ZDHHC14: variants seen among roughly 807,000 people sequenced by gnomAD.
ZDHHC14 encodes zDHHC palmitoyltransferase 14.
ZDHHC14 carries 16 observed loss-of-function variants against 47.7 expected under a neutral mutation model. That is an observed-to-expected ratio of 0.34 (90% CI 0.23 to 0.51). The LOEUF is 0.51. ZDHHC14 is among the 20% of genes least tolerant of loss of function. The pLI is 0.97. For synonymous variants in ZDHHC14, 293 were observed against 278.9 expected (o/e 1.05, Z -0.50); for missense variants, 515 against 662.5 (o/e 0.78, Z 2.44).
At chr6:157,616,294 T>G (rs554152654) in intron 3 of ZDHHC14, among the ~76,000 whole-genome samples, 31 of 151,936 alleles carry the variant, frequency 2.0e-4, no homozygotes, top group East Asian at 1.2e-3. Context: ...ATGTGAGGGA[T>G]GAGGGGGCAG....
Position 157,552,781 on chromosome 6 carries a change from G to A in ZDHHC14, c.406+10036G>A, listed in dbSNP as rs181842965. On this transcript the variant is annotated intron_variant, in intron 2 of 8. Coordinates refer to ENST00000359775, the MANE Select transcript of ZDHHC14 (RefSeq NM_024630.3). Reference sequence around the variant, plus strand: ...TCTCAGGGACAGCTTGTTTCCTAGCGGCCCCAGGAGCCTTCTACACCCTGC... The same window carrying A: ...TCTCAGGGACAGCTTGTTTCCTAGCAGCCCCAGGAGCCTTCTACACCCTGC... Among the ~76,000 whole-genome samples, 214 of 152,252 alleles carry A rather than the reference G, an allele frequency of 1.4e-3. 2 individuals are homozygous for A. Among genetic ancestry groups the A allele is most frequent in the African/African-American group, 4.9e-3 (204 of 41,540 alleles).
intron 1 of ZDHHC14, among the ~76,000 whole-genome samples, chr6:157,507,149 A>G (rs1229681376): frequency 6.6e-6 from 1 of 152,178 alleles, no homozygotes; most frequent in Non-Finnish European, 1.5e-5. Flanking sequence ...TAATCCCTTC[A>G]GAATAGCTAT....
intron 1 of ZDHHC14, among the ~76,000 whole-genome samples, chr6:157,503,849 ACAG>A (rs1272865720): frequency 6.6e-6 from 1 of 152,218 alleles, no homozygotes; most frequent in Non-Finnish European, 1.5e-5. Context: ...GTATGAGGAA[ACAG>A]CACGGCTCAT....
chr6:157,492,809 C>A (rs371232608), intron 1 of ZDHHC14, among the ~76,000 whole-genome samples: 20 of 152,144 alleles, frequency 1.3e-4, no homozygotes, highest in East Asian at 9.7e-4. Flanking sequence ...AAGAGACAGG[C>A]GTGAGTGGGG....
chr6:157,640,525 G>A (rs1273887254), intron 5 of ZDHHC14, among the ~76,000 whole-genome samples: 1 of 152,186 alleles, frequency 6.6e-6, no homozygotes, highest in Non-Finnish European at 1.5e-5. Context: ...CTGATCCTGA[G>A]AGGGACCCCA....
At chr6:157,564,821 C>T (rs1782839463) in intron 2 of ZDHHC14, among the ~76,000 whole-genome samples, 2 of 152,218 alleles carry the variant, frequency 1.3e-5, no homozygotes, top group South Asian at 4.1e-4. Flanking sequence ...CCTTTGAGAA[C>T]TCATAGGTTT....
intron 1 of ZDHHC14, among the ~76,000 whole-genome samples, chr6:157,444,521 T>C (rs940225355): frequency 6.6e-6 from 1 of 151,726 alleles, no homozygotes; most frequent in Non-Finnish European, 1.5e-5. Flanking sequence ...CTACTAAAAA[T>C]AGAAAATTTA....
chr6:157,465,776 T>C (rs1050660344), intron 1 of ZDHHC14, among the ~76,000 whole-genome samples: 1 of 152,072 alleles, frequency 6.6e-6, no homozygotes, highest in Admixed American at 6.5e-5. Flanking sequence ...GCGCGATAGC[T>C]TATGCCTGTA....
chr6:157,499,481 C>CCCA (rs1391414486), intron 1 of ZDHHC14, among the ~76,000 whole-genome samples: 5 of 150,856 alleles, frequency 3.3e-5, no homozygotes, highest in Non-Finnish European at 7.4e-5. Context: ...CTCTCAAAGC[C>CCCA]CCCCACCCCG....
intron 8 of ZDHHC14, among the ~76,000 whole-genome samples, chr6:157,672,457 T>C (rs1176649243): frequency 6.6e-6 from 1 of 152,148 alleles, no homozygotes; most frequent in African/African-American, 2.4e-5. Flanking sequence ...GACCACTGGC[T>C]TCATAACCAG....
chr6:157,561,586 T>C (rs969794847), intron 2 of ZDHHC14, among the ~76,000 whole-genome samples: 7 of 152,116 alleles, frequency 4.6e-5, no homozygotes, highest in Non-Finnish European at 8.8e-5. Context: ...AGTTTATAAT[T>C]AGGAAACAGA....
intron 1 of ZDHHC14, among the ~76,000 whole-genome samples, chr6:157,513,927 G>T (rs1047436936): frequency 6.6e-6 from 1 of 152,004 alleles, no homozygotes; most frequent in Non-Finnish European, 1.5e-5. Context: ...TTGGCTCAGC[G>T]AACAGTGAAT....
At chr6:157,627,019 G>A (rs1447817194) in intron 3 of ZDHHC14, among the ~76,000 whole-genome samples, 2 of 152,070 alleles carry the variant, frequency 1.3e-5, no homozygotes, top group African/African-American at 2.4e-5. Flanking sequence ...AGGGAGCTCT[G>A]AAATCTCTCC....
chr6:157,613,249 G>A (rs1453159081), intron 3 of ZDHHC14, among the ~76,000 whole-genome samples: 1 of 152,166 alleles, frequency 6.6e-6, no homozygotes, highest in East Asian at 1.9e-4. Flanking sequence ...CTCACAGTAG[G>A]AAATACATTT....
chr6:157,630,563 TACAC>T (rs1299873352), intron 4 of ZDHHC14: 2 of 149,644 alleles, frequency 1.3e-5, no homozygotes, highest in East Asian at 2.0e-4. Context: ...CACATACCCT[TACAC>T]ACCCACACAC....
intron 3 of ZDHHC14, among the ~76,000 whole-genome samples, chr6:157,622,930 T>C (rs1412680185): frequency 6.6e-6 from 1 of 152,204 alleles, no homozygotes; most frequent in African/African-American, 2.4e-5. Flanking sequence ...GCCAGGGCTC[T>C]GAGGGTGACT....
chr6:157,607,868 G>A (rs375120244), intron 3 of ZDHHC14, among the ~76,000 whole-genome samples: 2 of 152,212 alleles, frequency 1.3e-5, no homozygotes, highest in African/African-American at 4.8e-5. Flanking sequence ...TCCAAGCTCC[G>A]CATGGGCTTT....
At chr6:157,643,065 T>G (rs1777335375) in intron 5 of ZDHHC14, among the ~76,000 whole-genome samples, 1 of 152,256 alleles carries the variant, frequency 6.6e-6, no homozygotes, top group Non-Finnish European at 1.5e-5. Flanking sequence ...ACTTCATTGC[T>G]TTCTGCCTCA....
intron 1 of ZDHHC14, among the ~76,000 whole-genome samples, chr6:157,529,605 C>T (rs900603071): frequency 2.0e-5 from 3 of 152,204 alleles, no homozygotes; most frequent in African/African-American, 7.2e-5. Flanking sequence ...GACTTTGTCA[C>T]CCAAGACTCC....
Sources: gnomAD v4.1 joint callset for allele counts (sites outside exome capture counted in the v4.1 genomes callset) on GRCh38, gnomAD v4.1.1 for gene constraint, MANE v1.5 for transcripts, NCBI Gene and HGNC (gene_info 2026-07-23, HGNC 2026-07-21) for gene names.